Variants in ACD observed in about 807,000 individuals in gnomAD.
The protein encoded by ACD is ACD shelterin complex subunit and telomerase recruitment factor, also known as adrenocortical dysplasia protein homolog.
ACD carries 39 observed loss-of-function variants against 53.9 expected under a neutral mutation model. The ratio of observed to expected loss-of-function variants is 0.72; its 90% CI spans 0.56 to 0.95. ACD has a LOEUF of 0.95. Ranked by LOEUF, ACD falls within the 40% of genes least tolerant of loss-of-function variation. The pLI is 0.00. For missense variants in ACD, 526 were observed against 587.9 expected, an observed-to-expected ratio of 0.89 and a Z score of 1.09; for synonymous variants, 273 against 249.2, an observed-to-expected ratio of 1.10 and a Z score of -0.90.
intron 7 of ACD, 49 bp downstream of exon 7, chr16:67,658,879 T>C (rs1280623669): frequency 6.2e-7 from 1 of 1,605,686 alleles, no homozygotes; most frequent in Admixed American, 1.7e-5. Context: ...GATATGACCC[T>C]TGCCCAACTC....
chr16:67,657,724 A>G lies in ACD; in HGVS notation c.1298+38T>C, dbSNP rs2052898077. 1 of 1,613,874 alleles carries G rather than the reference A, an allele frequency of 6.2e-7. No homozygotes were observed. Among genetic ancestry groups the G allele is most frequent in the Non-Finnish European group, 8.5e-7 (1 of 1,179,960 alleles). On this transcript the variant is annotated intron_variant, in intron 11 of 11. Coordinates refer to ENST00000620761, the MANE Select transcript of ACD (RefSeq NM_001082486.2). This position sits in a 1 kb window ranked among gnomAD's most constrained non-coding sequence, Gnocchi z 4.5. The stretch of plus-strand genomic sequence containing the variant: ...CCGCTGCAGGTCAATGGAGCCTGGG[A>G]CTAGTGACCAAGAGTTGGGGCAGAC...
rs747830238 is a variant in ACD, at chr16:67,660,142, G to A, written c.79C>T (p.Arg27Ter). 3.1e-6 allele frequency: 5 copies of A among 1,612,426 alleles called. No homozygotes were observed. The African/African-American group carries it at 6.7e-5, about 22-fold the overall frequency. The change falls in exon 1 of 12, where the codon CGA (arginine) becomes TGA (stop). Residue 27 changes from arginine to a stop codon, truncating the protein, a stop_gained. Coordinates refer to ENST00000620761, the MANE Select transcript of ACD (RefSeq NM_001082486.2). LOFTEE classifies it high-confidence loss of function. Reference protein sequence around the residue: ...ILGSETPSSPRAGQLLEVLQD... With the variant: ...ILGSETPSSP ...CTCACCTCAAGCAGCTGCCCGGCTC[G>A]TGGACTGGAGGGTGTCTCTGACCCC... is the stretch of plus-strand genomic sequence containing the variant.
rs1320742099 is a variant in ACD at position 67,659,468 on chromosome 16, C to T, written c.414-49G>A. 8 of 1,613,878 alleles carry T rather than the reference C, an allele frequency of 5.0e-6. No homozygotes were observed. In the African/African-American group the frequency reaches 6.7e-5, roughly 13 times the overall value. On this transcript the variant is annotated intron_variant, in intron 4 of 11. Coordinates refer to ENST00000620761, the MANE Select transcript of ACD (RefSeq NM_001082486.2). Reference sequence around the variant, plus strand: ...AATGGGGGCCCAAGCCCTCCTACCCCATAGGCGTCTGCCAGCGCCGGCCAG... The same window carrying T: ...AATGGGGGCCCAAGCCCTCCTACCCTATAGGCGTCTGCCAGCGCCGGCCAG...
Position 67,658,181 on chromosome 16 carries a change from G to A in ACD, c.1011C>T (p.Pro337=). 5.0e-6 allele frequency: 8 copies of A among 1,611,402 alleles called. No individual in the cohort carries two copies. The highest frequency in any genetic ancestry group is 6.8e-6 in the Non-Finnish European group (8 of 1,178,640). ...TPRSPHASRT[P]SSPLQSCTPS... ...GAGTGCAGCTCTGGAGTGGGGAGCT[G>A]GGGGTACGGCTGGCGTGTGGGGACC... is the stretch of plus-strand genomic sequence containing the variant. Residue 337 remains proline, a synonymous_variant, in exon 10 of 12, where the codon CCC becomes CCT. Coordinates refer to ENST00000620761, the MANE Select transcript of ACD (RefSeq NM_001082486.2).
In ACD at chr16:67,660,190, G is replaced by A. The variant is rs1187241442; in HGVS notation, c.31C>T (p.Pro11Ser). The A allele has an allele frequency of 6.2e-7, 1 of 1,612,644 alleles. No homozygotes were observed. Among genetic ancestry groups the A allele is most frequent in the Non-Finnish European group, 8.5e-7 (1 of 1,179,912 alleles). The change falls in exon 1 of 12, where the codon CCC becomes TCC. Residue 11 changes from proline to serine, a missense_variant. By Grantham distance (74) the Pro-to-Ser change is moderately conservative. Transcript: ENST00000620761. ...CCCAGAATCAGCTCCCGAATCCAGG[G>A]CCGTAGGACCAGCCTCCCCGAACCT... MAGSGRLVLRPWIRELILGSE... is the reference protein window; with the variant it reads MAGSGRLVLRSWIRELILGSE...
At position 67,659,566 on chromosome 16, in the gene ACD, C is replaced by T; in HGVS notation, c.384G>A (p.Thr128=). The change falls in exon 4 of 12, where the codon ACG becomes ACA. Residue 128 remains threonine (T), a synonymous_variant. Coordinates refer to ENST00000620761, the MANE Select transcript of ACD (RefSeq NM_001082486.2). ...CAGGCACCCGTAGCCGGGGCTGCTC[C>T]GTGGGCAGCAGGCTGAAGCGGTCCA... ...LQVDRFSLLP[T]EQPRLRVPGC... The T allele has an allele frequency of 6.8e-6, 11 of 1,613,456 alleles. No individual in the cohort carries two copies. Among genetic ancestry groups the T allele is most frequent in the Non-Finnish European group, 8.5e-6 (10 of 1,179,842 alleles).
In ACD at chr16:67,659,727, T is replaced by A; in HGVS notation, c.311A>T (p.His104Leu). The change falls in exon 3 of 12, where the codon CAT becomes CTT. Residue 104 changes from histidine (H) to leucine (L), a missense_variant. Physicochemically the swap from His to Leu is moderately conservative, Grantham distance 99. Coordinates refer to ENST00000620761, the MANE Select transcript of ACD (RefSeq NM_001082486.2). ...CGCGCCGCCCTCAGCGACCTGGACA[T>A]GAACCCCGCAGTCCTGCAGCAGCAG... Reference protein sequence around the residue: ...RLLLLQDCGVHVQVAEGGAPA... With the variant: ...RLLLLQDCGVLVQVAEGGAPA... 1.9e-6 allele frequency: 3 copies of A among 1,613,390 alleles called. No individual in the cohort carries two copies. Among genetic ancestry groups the A allele is most frequent in the Non-Finnish European group, 2.5e-6 (3 of 1,179,984 alleles).
At position 67,659,212 on chromosome 16, in the gene ACD, G is replaced by A. The variant is rs750571306; in HGVS notation, c.493+17C>T. 7 of 1,614,046 alleles carry A rather than the reference G, an allele frequency of 4.3e-6. No homozygotes were observed. Among genetic ancestry groups the A allele is most frequent in the Non-Finnish European group, 5.1e-6 (6 of 1,179,972 alleles). ...ACTGCACAGCGTGTTAGGATCACTG[G>A]TCAAGCTCTACAGTACCTGCATTGG... On this transcript the variant is annotated intron_variant, in intron 6 of 11. Coordinates refer to ENST00000620761, the MANE Select transcript of ACD (RefSeq NM_001082486.2).
At position 67,659,811 on chromosome 16, in the gene ACD, T is replaced by A. The variant is rs1177725235; in HGVS notation, c.243-16A>T. The A allele has an allele frequency of 6.3e-7, 1 of 1,598,644 alleles. No homozygotes were observed. The highest frequency in any genetic ancestry group is 1.1e-5 in the South Asian group (1 of 89,984). Reference sequence around the variant, plus strand: ...CTTCTCCTCCCTGCAACAAGCAGGATCCTCACTGCCGGGCCCACCTGAACA... The same window carrying A: ...CTTCTCCTCCCTGCAACAAGCAGGAACCTCACTGCCGGGCCCACCTGAACA... On this transcript the variant is annotated splice_polypyrimidine_tract_variant and intron_variant, in intron 2 of 11. Transcript: ENST00000620761.
At position 67,658,985 on chromosome 16, in the gene ACD, C is replaced by G; in HGVS notation, c.588G>C (p.Glu196Asp). The G allele has an allele frequency of 1.2e-6, 2 of 1,613,914 alleles. No homozygotes were observed. The highest frequency in any genetic ancestry group is 3.3e-5 in the Admixed American group (2 of 60,030). The change falls in exon 7 of 12, where the codon GAG (glutamate) becomes GAC (aspartate). Residue 196 changes from glutamate to aspartate, a missense_variant. Physicochemically the swap from Glu to Asp is conservative, Grantham distance 45. Transcript: ENST00000620761. ...VCLAESCLTL[E>D]GPCTAPPVTH... is the part of the protein sequence containing the mutation. ...TGACAGGGGGTGCTGTGCAAGGGCC[C>G]TCCAGTGTCAGGCAGCTTTCAGCCA...
In ACD at chr16:67,658,190, G is replaced by A. The variant is rs372195324; in HGVS notation, c.1002C>T (p.Ser334=). The A allele has an allele frequency of 3.8e-5, 61 of 1,612,112 alleles. No homozygotes were observed. The highest frequency in any genetic ancestry group is 4.9e-5 in the Non-Finnish European group (58 of 1,179,224). The part of the protein sequence containing the change: ...ATLTPRSPHA[S]RTPSSPLQSC... ...TCTGGAGTGGGGAGCTGGGGGTACG[G>A]CTGGCGTGTGGGGACCTGGGGGTCA... Residue 334 remains serine, a synonymous_variant, in exon 10 of 12, where the codon AGC becomes AGT. Transcript: ENST00000620761.
chr16:67,658,770 TCA>T lies in ACD; in HGVS notation c.690_691del (p.Asn232Ter). On this transcript the variant is annotated frameshift_variant, in exon 8 of 12. Transcript: ENST00000620761. LOFTEE classifies it high-confidence loss of function. ...AGAGCTCAGAATTAGCTGGTCATTC[TCA>T]GAGATGCACAGCATTGAGCTGGGGA... The T allele has an allele frequency of 6.2e-7, 1 of 1,613,522 alleles. No individual in the cohort carries two copies. Among genetic ancestry groups the T allele is most frequent in the East Asian group, 2.2e-5 (1 of 44,876 alleles).
chr16:67,658,739 G>C lies in ACD; in HGVS notation c.723C>G (p.Gly241=). Residue 241 remains glycine, a synonymous_variant, in exon 8 of 12, where the codon GGC becomes GGG. Transcript: ENST00000620761. ...ENDQLILSSL[G]PCQRTQGPEL... The stretch of plus-strand genomic sequence containing the variant: ...CCTTACCCTGTGTCCTCTGACAGGG[G>C]CCTAGAGAGCTCAGAATTAGCTGGT... 1.9e-6 allele frequency: 3 copies of C among 1,613,160 alleles called. No homozygotes were observed. The highest frequency in any genetic ancestry group is 1.7e-6 in the Non-Finnish European group (2 of 1,179,504).
chr16:67,659,737 A>G lies in ACD; in HGVS notation c.301T>C (p.Cys101Arg). The G allele has an allele frequency of 1.9e-6, 3 of 1,613,226 alleles. No homozygotes were observed. The highest frequency in any genetic ancestry group is 2.5e-6 in the Non-Finnish European group (3 of 1,179,874). ...TEGRLLLLQD[C>R]GVHVQVAEGG... is the part of the protein sequence containing the mutation. ...TCAGCGACCTGGACATGAACCCCGC[A>G]GTCCTGCAGCAGCAGCAGCCGGCCC... The change falls in exon 3 of 12, where the codon TGC becomes CGC. Residue 101 changes from cysteine to arginine, a missense_variant. Coordinates refer to ENST00000620761, the MANE Select transcript of ACD (RefSeq NM_001082486.2).
chr16:67,659,635 G>T lies in ACD; in HGVS notation c.337-22C>A, dbSNP rs371007556. On this transcript the variant is annotated intron_variant, in intron 3 of 11. Transcript: ENST00000620761. Reference sequence around the variant, plus strand: ...CGGGCTGGAGGAGTTCGGGGGGAAGGGGGGGTCTCAGAATCGTCACGAAGA... The same window carrying T: ...CGGGCTGGAGGAGTTCGGGGGGAAGTGGGGGTCTCAGAATCGTCACGAAGA... 3.2e-4 allele frequency: 515 copies of T among 1,613,008 alleles called. 1 individual carries two copies. Among genetic ancestry groups the T allele is most frequent in the Middle Eastern group, 1.6e-3 (10 of 6,084 alleles).
At position 67,659,257 on chromosome 16, in the gene ACD, G is replaced by A. The variant is rs142115585; in HGVS notation, c.465C>T (p.His155=). 29 of 1,613,982 alleles carry A rather than the reference G, an allele frequency of 1.8e-5. No homozygotes were observed. Among genetic ancestry groups the A allele is most frequent in the Non-Finnish European group, 2.5e-5 (29 of 1,180,010 alleles). ...QKKLYDCLEE[H]LSESTSSNAG... ...CATTGGACGAGGTGGACTCTGAAAG[G>A]TGCTCCCTACAGGAAGAGAGTGGCC... Residue 155 remains histidine, a synonymous_variant, in exon 6 of 12, where the codon CAC becomes CAT. Coordinates refer to ENST00000620761, the MANE Select transcript of ACD (RefSeq NM_001082486.2).
Position 67,658,559 on chromosome 16 carries a change from G to T in ACD, c.825C>A (p.Ser275=), listed in dbSNP as rs747335465. ...GTGACCTGTGCATCACCTCACCTGA[G>T]GAACTGGGTGAGGAAGGAGGAGAGG... ...LIASPPSSPS[S]SGTPALPGHM... Residue 275 remains serine, a synonymous_variant, in exon 9 of 12, where the codon TCC becomes TCA. Transcript: ENST00000620761. 5 of 1,565,698 alleles carry T rather than the reference G, an allele frequency of 3.2e-6. No homozygotes were observed. In the South Asian group the frequency reaches 6.0e-5, roughly 19 times the overall value.
chr16:67,659,447 G>A, intron 4 of ACD, 28 bp from the exon 5 acceptor site: 1 of 1,614,052 alleles, frequency 6.2e-7, no homozygotes, highest in Non-Finnish European at 8.5e-7. Context: ...GTAGTTAATG[G>A]GGGCCCAAGC....
rs1384900441 is a variant in ACD at position 67,659,726 on chromosome 16, A to G, written c.312T>C (p.His104=). 3.1e-6 allele frequency: 5 copies of G among 1,613,438 alleles called. No individual in the cohort carries two copies. In the South Asian group the frequency reaches 4.4e-5, roughly 14 times the overall value. ...CCGCGCCGCCCTCAGCGACCTGGAC[A>G]TGAACCCCGCAGTCCTGCAGCAGCA... ...RLLLLQDCGV[H]VQVAEGGAPA... The change falls in exon 3 of 12, where the codon CAT becomes CAC. Residue 104 remains histidine, a synonymous_variant. Coordinates refer to ENST00000620761, the MANE Select transcript of ACD (RefSeq NM_001082486.2).
Sources: gnomAD v4.1 joint callset for allele counts on GRCh38, gnomAD v4.1.1 for gene constraint, Gnocchi (gnomAD v3.1) non-coding constraint, MANE v1.5 for transcripts, NCBI Gene and HGNC (gene_info 2026-07-23, HGNC 2026-07-21) for gene names.